Variants in SLC17A6 observed in about 807,000 individuals in gnomAD.
SLC17A6 encodes the protein solute carrier family 17 member 6, also known as vesicular glutamate transporter 2.
Under a neutral mutation model 67.1 loss-of-function variants are expected in SLC17A6, and 35 were observed. That is an observed-to-expected ratio of 0.52 (90% confidence interval 0.40 to 0.69). SLC17A6 has a LOEUF of 0.69. Ranked by LOEUF, SLC17A6 falls within the 30% of genes least tolerant of loss-of-function variation. The pLI is 0.00. For synonymous variants in SLC17A6, 285 were observed against 252.3 expected (o/e 1.13, Z -1.23); for missense variants, 588 against 723.9 (o/e 0.81, Z 2.15).
At chr11:22,374,004 T>C (rs1856202612) in intron 8 of SLC17A6, among the ~76,000 whole-genome samples, 2 of 152,210 alleles carry the variant, frequency 1.3e-5, no homozygotes, top group Admixed American at 1.3e-4. Flanking sequence ...ACATTCAAAG[T>C]TTATTAAGTC....
At chr11:22,373,162 T>C (rs1856193177) in intron 8 of SLC17A6, among the ~76,000 whole-genome samples, 1 of 152,190 alleles carries the variant, frequency 6.6e-6, no homozygotes, top group Non-Finnish European at 1.5e-5. Flanking sequence ...AAATAGATAG[T>C]AAATAACAGA....
At chr11:22,365,734 C>G in intron 7 of SLC17A6, 45 bp downstream of exon 7, 1 of 1,561,400 alleles carries the variant, frequency 6.4e-7, no homozygotes, top group Non-Finnish European at 8.7e-7. Context: ...ATTCCCATCT[C>G]GCCCCCATTG....
chr11:22,358,516 G>T (rs951851477), intron 3 of SLC17A6, among the ~76,000 whole-genome samples: 1 of 152,178 alleles, frequency 6.6e-6, no homozygotes, highest in African/African-American at 2.4e-5. Context: ...TTGTGTAGTA[G>T]AGATGGGGTT....
At chr11:22,347,571 A>G (rs1393725207) in intron 3 of SLC17A6, among the ~76,000 whole-genome samples, 1 of 152,202 alleles carries the variant, frequency 6.6e-6, no homozygotes, top group East Asian at 1.9e-4. Flanking sequence ...ATTTACCTGA[A>G]GCATTAATAA....
At position 22,359,497 on chromosome 11, in the gene SLC17A6, C is replaced by G. The variant is rs1248717208; in HGVS notation, c.543C>G (p.Ile181Met). The G allele has an allele frequency of 1.9e-6, 3 of 1,607,446 alleles. No individual in the cohort carries two copies. The highest frequency in any genetic ancestry group is 2.2e-5 in the East Asian group (1 of 44,550). ...SAARVHYGCV[I>M]FVRILQGLVE... ...CCAGAGTGCATTATGGATGTGTCAT[C>G]TTTGTCAGAATACTGCAGGGACTTG... The change falls in exon 4 of 12, where the codon ATC becomes ATG. Residue 181 changes from isoleucine to methionine, a missense_variant. Transcript: ENST00000263160.
At chr11:22,359,750 G>C (rs1217214482) in intron 4 of SLC17A6, among the ~76,000 whole-genome samples, 2 of 152,050 alleles carry the variant, frequency 1.3e-5, no homozygotes, top group East Asian at 3.9e-4. Context: ...CTAGAATTGA[G>C]TGGGATTAAA....
intron 1 of SLC17A6, among the ~76,000 whole-genome samples, chr11:22,339,021 C>T (rs1855770561): frequency 7.2e-6 from 1 of 138,574 alleles, no homozygotes; most frequent in Admixed American, 7.6e-5. Flanking sequence ...AAAACACAAC[C>T]ATCTAAAAAA....
At chr11:22,343,026 C>A (rs886595021) in intron 2 of SLC17A6, 1 of 604,626 alleles carries the variant, frequency 1.7e-6, no homozygotes, top group Admixed American at 2.5e-5. Context: ...AAAGCCAGTG[C>A]GCCTGGCCTC....
chr11:22,359,290 C>A (rs769547838), intron 3 of SLC17A6, 123 bp from the exon 4 acceptor site: 11 of 488,874 alleles, frequency 2.3e-5, no homozygotes, highest in Admixed American at 4.2e-5. Context: ...AAAAAACAAT[C>A]TACCTTAAAA....
rs377657098 is a variant in SLC17A6 at position 22,377,514 on chromosome 11, C to T, written c.1523C>T (p.Pro508Leu). The change falls in exon 12 of 12, where the codon CCG becomes CTG. Residue 508 changes from proline to leucine, a missense_variant. Transcript: ENST00000263160. ...ASGEKQPWAD[P>L]EETSEEKCGF... ...GGAGAGAAACAACCCTGGGCAGACC[C>T]GGAGGAAACAAGTGAAGAAAAATGT... 34 of 1,613,862 alleles carry T rather than the reference C, an allele frequency of 2.1e-5. No individual in the cohort carries two copies. Among genetic ancestry groups the T allele is most frequent in the African/African-American group, 9.4e-5 (7 of 74,864 alleles).
Position 22,339,009 on chromosome 11 carries a change from A to G in SLC17A6, c.86+390A>G, listed in dbSNP as rs903362663. 2.0e-5 allele frequency among the ~76,000 whole-genome samples: 3 copies of G among 147,400 alleles called. No homozygotes were observed. The Admixed American group carries it at 2.1e-4, about 10-fold the overall frequency. ...ATTCCTTTGATGCAGACAAATGAAT[A>G]TAAAACACAACCATCTAAAAAAATA... On this transcript the variant is annotated intron_variant, in intron 1 of 11. Coordinates refer to ENST00000263160, the MANE Select transcript of SLC17A6 (RefSeq NM_020346.3).
At chr11:22,373,939 T>C (rs1856201962) in intron 8 of SLC17A6, among the ~76,000 whole-genome samples, 1 of 152,218 alleles carries the variant, frequency 6.6e-6, no homozygotes, top group Admixed American at 6.5e-5. Context: ...ATGAATGCCA[T>C]CTGCCAACAA....
At chr11:22,375,459 T>G (rs1332002158) in intron 9 of SLC17A6, among the ~76,000 whole-genome samples, 1 of 151,840 alleles carries the variant, frequency 6.6e-6, no homozygotes, top group Non-Finnish European at 1.5e-5. Flanking sequence ...AAACTTTAGG[T>G]TGTTTTGGAT....
intron 6 of SLC17A6, among the ~76,000 whole-genome samples, chr11:22,365,296 A>G (rs1268551366): frequency 6.6e-6 from 1 of 152,178 alleles, no homozygotes; most frequent in Non-Finnish European, 1.5e-5. Flanking sequence ...CCATTCTAAT[A>G]ATTATTTATG....
In SLC17A6 at chr11:22,377,666, G is replaced by A. The variant is rs138159912; in HGVS notation, c.1675G>A (p.Glu559Lys). ...QANGGWPSGW[E>K]KKEEFVQGEV... ...CAATGGAGGTTGGCCTAGTGGTTGG[G>A]AAAAGAAAGAGGAATTTGTACAAGG... The change falls in exon 12 of 12, where the codon GAA becomes AAA. Residue 559 changes from glutamate to lysine, a missense_variant. By Grantham distance (56) the Glu-to-Lys change is moderately conservative. Transcript: ENST00000263160. 1.4e-4 allele frequency: 227 copies of A among 1,613,072 alleles called. No individual in the cohort carries two copies. The highest frequency in any genetic ancestry group is 3.5e-4 in the South Asian group (32 of 90,766).
intron 6 of SLC17A6, among the ~76,000 whole-genome samples, chr11:22,364,370 C>T (rs72969026): frequency 2.9e-4 from 44 of 152,062 alleles, no homozygotes; most frequent in Non-Finnish European, 6.0e-4. Context: ...TATATATTAC[C>T]TCCTTTAACT....
At chr11:22,362,995 C>A (rs1477636833) in intron 6 of SLC17A6, among the ~76,000 whole-genome samples, 170 bp downstream of exon 6, 1 of 152,186 alleles carries the variant, frequency 6.6e-6, no homozygotes, top group Non-Finnish European at 1.5e-5. Context: ...AATATTTCAT[C>A]TCTGTTATTT....
chr11:22,343,834 G>T (rs972654642), intron 3 of SLC17A6, among the ~76,000 whole-genome samples: 2 of 152,136 alleles, frequency 1.3e-5, no homozygotes, highest in African/African-American at 4.8e-5. Context: ...CCCAGTTGGT[G>T]CTCTGGGTAT....
intron 4 of SLC17A6, among the ~76,000 whole-genome samples, chr11:22,360,111 A>G (rs1259518055): frequency 3.5e-5 from 2 of 56,610 alleles, no homozygotes; most frequent in East Asian, 3.4e-3. Context: ...TTAAGGCACT[A>G]AAAAAAAAAA....
Sources: gnomAD v4.1 joint callset for allele counts (sites outside exome capture counted in the v4.1 genomes callset) on GRCh38, gnomAD v4.1.1 for gene constraint, MANE v1.5 for transcripts, NCBI Gene and HGNC (gene_info 2026-07-23, HGNC 2026-07-21) for gene names.